The following RBPJ variants were observed in gnomAD, a reference collection of about 807,000 sequenced individuals.
RBPJ encodes recombination signal binding protein for immunoglobulin kappa J region.
Under a neutral mutation model 67.8 loss-of-function variants are expected in RBPJ, and 9 were observed. The ratio of observed to expected loss-of-function variants is 0.13; its 90% confidence interval spans 0.08 to 0.23. The LOEUF is 0.23. Among genes scored for constraint, RBPJ ranks in the 10% least tolerant of loss-of-function variants. The pLI is 1.00. For synonymous variants in RBPJ, 198 were observed against 203.3 expected (o/e 0.97, Z 0.22); for missense variants, 305 against 595.6 (o/e 0.51, Z 5.08).
intron 1 of RBPJ, among the ~76,000 whole-genome samples, chr4:26,252,061 C>T (rs1247107333): frequency 6.7e-6 from 1 of 149,274 alleles, no homozygotes; most frequent in African/African-American, 2.5e-5. Flanking sequence ...TATGTAAAAA[C>T]TATAACAAGT....
chr4:26,346,293 C>T (rs1267783481), intron 1 of RBPJ, among the ~76,000 whole-genome samples: 1 of 152,070 alleles, frequency 6.6e-6, no homozygotes, highest in Non-Finnish European at 1.5e-5. Flanking sequence ...CTGGCGACTG[C>T]GGATGTACTG....
the RBPJ span, among the ~76,000 whole-genome samples, chr4:26,107,875 G>A: frequency 6.6e-6 from 1 of 152,136 alleles, no homozygotes; most frequent in Non-Finnish European, 1.5e-5. Flanking sequence ...TCCAAGCTGG[G>A]CAACAGAAAG....
At chr4:26,373,915 CTT>C (rs765161799) in intron 1 of RBPJ, among the ~76,000 whole-genome samples, 5 of 113,288 alleles carry the variant, frequency 4.4e-5, no homozygotes, top group African/African-American at 6.6e-5. Context: ...TTATTTTTTA[CTT>C]TTTTTTTTTT....
intron 1 of RBPJ, among the ~76,000 whole-genome samples, chr4:26,241,176 G>A (rs1276198290): frequency 2.7e-5 from 4 of 148,924 alleles, no homozygotes; most frequent in South Asian, 4.3e-4. Flanking sequence ...TAGCCTGGGC[G>A]ACAGAGCAAG....
At chr4:26,211,214 G>T (rs1256891571) in intron 1 of RBPJ, among the ~76,000 whole-genome samples, 1 of 152,116 alleles carries the variant, frequency 6.6e-6, no homozygotes, top group Non-Finnish European at 1.5e-5. Flanking sequence ...ATGTGTAGTA[G>T]CACTTTTCTG....
chr4:26,214,261 C>T (rs1056425726), intron 1 of RBPJ, among the ~76,000 whole-genome samples: 26 of 46,402 alleles, frequency 5.6e-4, no homozygotes, highest in South Asian at 1.2e-3. Context: ...AAAAGAGAGA[C>T]GAAAGAAAGA....
At chr4:26,203,604 A>G (rs1718067270) in intron 1 of RBPJ, among the ~76,000 whole-genome samples, 1 of 152,174 alleles carries the variant, frequency 6.6e-6, no homozygotes, top group African/African-American at 2.4e-5. Context: ...CTAAACAGGA[A>G]CTGGCTCAGA....
chr4:26,255,538 C>T (rs889526012), intron 1 of RBPJ, among the ~76,000 whole-genome samples: 17 of 150,554 alleles, frequency 1.1e-4, no homozygotes, highest in Admixed American at 1.1e-3. Context: ...CGTGGTGGCT[C>T]AAGCCTGTAA....
intron 1 of RBPJ, among the ~76,000 whole-genome samples, chr4:26,385,698 T>C (rs1020193396): frequency 3.9e-5 from 6 of 152,188 alleles, no homozygotes; most frequent in Admixed American, 1.3e-4. Flanking sequence ...CTTTGTGACA[T>C]TGGGCTTGTT....
At chr4:26,392,411 C>T (rs1406434226) in intron 2 of RBPJ, among the ~76,000 whole-genome samples, 2 of 152,156 alleles carry the variant, frequency 1.3e-5, no homozygotes, top group Admixed American at 1.3e-4. Flanking sequence ...TACATAACCC[C>T]AATATCCAGC....
At chr4:26,181,907 A>G (rs1717012760) in intron 1 of RBPJ, among the ~76,000 whole-genome samples, 1 of 152,254 alleles carries the variant, frequency 6.6e-6, no homozygotes, top group South Asian at 2.1e-4. Flanking sequence ...AAGGCCTAGG[A>G]CATTACTGTA....
At chr4:26,278,182 T>G (rs902009005) in intron 1 of RBPJ, among the ~76,000 whole-genome samples, 2 of 152,352 alleles carry the variant, frequency 1.3e-5, no homozygotes, top group African/African-American at 4.8e-5. Context: ...ATACTTCATA[T>G]TCATCTTCAA....
the RBPJ span, chr4:26,113,157 A>G: frequency 4.4e-6 from 1 of 229,550 alleles, no homozygotes; most frequent in African/African-American, 2.3e-5. Context: ...TTCCCCATGA[A>G]TATAAATTGA....
chr4:26,312,755 A>C (rs1159265445), intron 1 of RBPJ, among the ~76,000 whole-genome samples: 1 of 152,214 alleles, frequency 6.6e-6, no homozygotes, highest in Non-Finnish European at 1.5e-5. Context: ...TCTTTTAGAC[A>C]GGGAGTCCTT....
At chr4:26,280,268 T>C (rs962971224) in intron 1 of RBPJ, among the ~76,000 whole-genome samples, 1 of 151,512 alleles carries the variant, frequency 6.6e-6, no homozygotes, top group African/African-American at 2.4e-5. Flanking sequence ...TGGTGGCAGG[T>C]GCCTGTAATC....
At chr4:26,373,044 A>G (rs888739048) in intron 1 of RBPJ, among the ~76,000 whole-genome samples, 3 of 152,186 alleles carry the variant, frequency 2.0e-5, no homozygotes, top group Non-Finnish European at 2.9e-5. Context: ...AGTGGTTTTC[A>G]TTTTTACCAC....
intron 1 of RBPJ, chr4:26,367,756 T>G (rs971537763): frequency 6.6e-6 from 1 of 152,330 alleles, no homozygotes; most frequent in Admixed American, 6.5e-5. Flanking sequence ...TATAGATTTA[T>G]TGAGGATGAT....
the RBPJ span, among the ~76,000 whole-genome samples, chr4:26,135,307 G>A: frequency 5.3e-4 from 80 of 152,044 alleles, no homozygotes; most frequent in African/African-American, 1.7e-3. Flanking sequence ...ACTTGCATCC[G>A]TCCCCTCATT....
At chr4:26,379,360 A>G (rs1305758653) in intron 1 of RBPJ, among the ~76,000 whole-genome samples, 3 of 152,068 alleles carry the variant, frequency 2.0e-5, no homozygotes, top group African/African-American at 7.2e-5. Context: ...ACACTGTATT[A>G]GTTTGTTCTC....
Sources: allele counts gnomAD v4.1 joint callset (sites outside exome capture counted in the v4.1 genomes callset), GRCh38; gene constraint gnomAD v4.1.1; transcripts MANE v1.5; gene names NCBI Gene and HGNC (gene_info 2026-07-23, HGNC 2026-07-21).